The following RALGPS1 variants were observed in gnomAD, a reference collection of about 807,000 sequenced individuals.
RALGPS1 encodes the protein Ral GEF with PH domain and SH3 binding motif 1.
In RALGPS1, 19 loss-of-function variants were observed where a neutral mutation model predicts 78.8. The observed-to-expected ratio is 0.24, with a 90% CI of 0.17 to 0.35. The LOEUF (loss-of-function observed/expected upper bound fraction) is 0.35. Among genes scored for constraint, RALGPS1 ranks in the 10% least tolerant of loss-of-function variants. RALGPS1 has a pLI of 1.00. For missense variants in RALGPS1, 454 were observed against 688.3 expected (o/e 0.66, Z 3.81); for synonymous variants, 228 against 256.3 (o/e 0.89, Z 1.06).
In RALGPS1 at chr9:127,219,113, C is replaced by T. The variant is rs749953266; in HGVS notation, c.*344C>T. On this transcript the variant is annotated 3_prime_UTR_variant, in exon 19 of 19. Transcript: ENST00000259351. The surrounding 1 kb of genome is among the most constrained non-coding windows in gnomAD (Gnocchi z 5.0). ...GCTTTCTACTGCACAGAGTGGACAG[C>T]GCTAACTAACCTGTGAGAGGGGCCC... is the stretch of plus-strand genomic sequence containing the variant. 5 of 343,980 alleles carry T rather than the reference C, an allele frequency of 1.5e-5. No homozygotes were observed. The highest frequency in any genetic ancestry group is 4.2e-5 in the African/African-American group (2 of 47,874). 21.3% of individuals were successfully genotyped at this position (343,980 alleles called of 1,614,324 possible). A position where few individuals can be genotyped will look rare whatever the true frequency, so the allele number is the denominator to read the frequency against.
chr9:127,177,159 G>A (rs904817571), intron 11 of RALGPS1, among the ~76,000 whole-genome samples: 4 of 144,198 alleles, frequency 2.8e-5, no homozygotes, highest in South Asian at 2.5e-4. Flanking sequence ...TTTTCGTAGG[G>A]TTTTTGGAGG....
chr9:126,955,210 C>T (rs1376778141), intron 1 of RALGPS1, among the ~76,000 whole-genome samples: 1 of 152,166 alleles, frequency 6.6e-6, no homozygotes, highest in African/African-American at 2.4e-5. Context: ...TTCTGACTGC[C>T]TACCTAGAAT....
chr9:127,060,747 C>T (rs2049142188), intron 7 of RALGPS1, among the ~76,000 whole-genome samples: 1 of 152,060 alleles, frequency 6.6e-6, no homozygotes, highest in Non-Finnish European at 1.5e-5. Flanking sequence ...TTTTCACATC[C>T]CTGGTTAAAG....
chr9:127,113,585 C>T (rs186350316), intron 8 of RALGPS1, among the ~76,000 whole-genome samples: 1 of 128,996 alleles, frequency 7.8e-6, no homozygotes, highest in South Asian at 2.6e-4. Flanking sequence ...TCACTTTTTT[C>T]CTGTGTCCAA....
intron 8 of RALGPS1, chr9:127,088,698 A>C: frequency 1.8e-6 from 1 of 559,952 alleles, no homozygotes; most frequent in Non-Finnish European, 3.2e-6. Context: ...AGTTGTCTGT[A>C]GTCCTGTCCT....
intron 10 of RALGPS1, among the ~76,000 whole-genome samples, chr9:127,170,805 C>T (rs1367335983): frequency 1.3e-5 from 2 of 152,250 alleles, no homozygotes; most frequent in African/African-American, 4.8e-5. Context: ...TGCTAAACAA[C>T]AGTCAGCCTA....
At chr9:127,216,015 C>T (rs1392662271) in intron 18 of RALGPS1, 1 of 152,298 alleles carries the variant, frequency 6.6e-6, no homozygotes. Context: ...TGGGGGACCT[C>T]AGCAAAGGCA....
chr9:126,923,624 G>A (rs968202983), intron 1 of RALGPS1, among the ~76,000 whole-genome samples: 1 of 152,110 alleles, frequency 6.6e-6, no homozygotes, highest in Non-Finnish European at 1.5e-5. Context: ...GTAATGCTTG[G>A]TACCTGTGAT....
chr9:127,035,956 A>G (rs919622170), intron 5 of RALGPS1, among the ~76,000 whole-genome samples: 4 of 152,164 alleles, frequency 2.6e-5, no homozygotes, highest in African/African-American at 9.7e-5. Flanking sequence ...TTTCCTTAAC[A>G]AAACTATTTG....
intron 4 of RALGPS1, among the ~76,000 whole-genome samples, chr9:127,010,075 T>C (rs903234990): frequency 6.6e-6 from 1 of 152,172 alleles, no homozygotes; most frequent in Non-Finnish European, 1.5e-5. Flanking sequence ...GCCACCGTGC[T>C]GAAGGGCTGT....
At position 127,218,459 on chromosome 9, in the gene RALGPS1, C is replaced by T. The variant is rs1439752101; in HGVS notation, c.1645-281C>T. On this transcript the variant is annotated intron_variant, in intron 18 of 18. Coordinates refer to ENST00000259351, the MANE Select transcript of RALGPS1 (RefSeq NM_014636.3). This position sits in a 1 kb window ranked among gnomAD's most constrained non-coding sequence, Gnocchi z 4.4. ...TTGCTGTGTACTGAACCTCCCTAAG[C>T]CTCAGTTTCCTGTCTTTGTAATGAG... is the stretch of plus-strand genomic sequence containing the variant. Among the ~76,000 whole-genome samples the T allele has an allele frequency of 1.3e-5, 2 of 152,194 alleles. No individual in the cohort carries two copies. The highest frequency in any genetic ancestry group is 2.9e-5 in the Non-Finnish European group (2 of 68,024).
At chr9:127,022,635 A>T (rs141654200) in intron 4 of RALGPS1, among the ~76,000 whole-genome samples, 233 of 151,916 alleles carry the variant, frequency 1.5e-3, no homozygotes, top group Non-Finnish European at 1.1e-3. Context: ...TGCTCCAGCC[A>T]TGGGCTACCT....
chr9:126,959,362 C>T (rs2038667761), intron 1 of RALGPS1, among the ~76,000 whole-genome samples: 1 of 152,030 alleles, frequency 6.6e-6, no homozygotes, highest in African/African-American at 2.4e-5. Context: ...GTGCCTGGCC[C>T]ATATATCTTC....
intron 1 of RALGPS1, among the ~76,000 whole-genome samples, chr9:126,940,203 C>A (rs771221146): frequency 2.4e-4 from 36 of 151,990 alleles, no homozygotes; most frequent in Non-Finnish European, 4.3e-4. Flanking sequence ...CTGCCCAGCC[C>A]GCCTCTCACT....
chr9:127,180,596 T>C (rs573091372), intron 11 of RALGPS1, among the ~76,000 whole-genome samples: 1 of 152,352 alleles, frequency 6.6e-6, no homozygotes, highest in African/African-American at 2.4e-5. Flanking sequence ...GCCCCTGGCA[T>C]ACACTTACCT....
intron 8 of RALGPS1, among the ~76,000 whole-genome samples, chr9:127,140,368 A>G (rs2138629063): frequency 6.6e-6 from 1 of 152,332 alleles, no homozygotes; most frequent in Non-Finnish European, 1.5e-5. Flanking sequence ...TGCAGTCAAG[A>G]AAGTCCTGAA....
chr9:127,183,877 C>G lies in RALGPS1; in HGVS notation c.910+9095C>G. The G allele has an allele frequency of 3.2e-6, 5 of 1,549,290 alleles. No individual in the cohort carries two copies. The highest frequency in any genetic ancestry group is 4.4e-6 in the Non-Finnish European group (5 of 1,146,844). On this transcript the variant is annotated intron_variant, in intron 11 of 18. Coordinates refer to ENST00000259351, the MANE Select transcript of RALGPS1 (RefSeq NM_014636.3). The surrounding 1 kb of genome is among the most constrained non-coding windows in gnomAD (Gnocchi z 4.0). ...TCCTTTGTTCTTGAGTCTCCCATCT[C>G]AGCAGCCTGTCACATCAAGGTCAAG...
chr9:126,967,066 G>C (rs1436517035), intron 3 of RALGPS1, among the ~76,000 whole-genome samples: 1 of 152,146 alleles, frequency 6.6e-6, no homozygotes, highest in African/African-American at 2.4e-5. Context: ...TGTCCTCCTA[G>C]GTGCCAAGGG....
At chr9:127,199,967 A>G (rs2061545063) in intron 14 of RALGPS1, among the ~76,000 whole-genome samples, 1 of 152,088 alleles carries the variant, frequency 6.6e-6, no homozygotes, top group Admixed American at 6.5e-5. Flanking sequence ...ATACCCATGC[A>G]CACACTGTAC....
Sources: gnomAD v4.1 joint callset for allele counts (sites outside exome capture counted in the v4.1 genomes callset) on GRCh38, gnomAD v4.1.1 for gene constraint, Gnocchi (gnomAD v3.1) non-coding constraint, MANE v1.5 for transcripts, NCBI Gene and HGNC (gene_info 2026-07-23, HGNC 2026-07-21) for gene names.